Variants in MAGI1 observed in about 807,000 individuals in gnomAD.
MAGI1 encodes membrane-associated guanylate kinase, WW and PDZ domain-containing protein 1.
Under a neutral mutation model 139.9 loss-of-function variants are expected in MAGI1, and 58 were observed. The observed-to-expected ratio is 0.41, with a 90% CI of 0.34 to 0.52. MAGI1 has a LOEUF of 0.52. Among genes scored for constraint, MAGI1 ranks in the 20% least tolerant of loss-of-function variants. MAGI1 has a pLI of 0.12. For synonymous variants in MAGI1, 812 were observed against 737.9 expected, an observed-to-expected ratio of 1.10 and a Z score of -1.63; for missense variants, 1,874 against 1,901.6, an observed-to-expected ratio of 0.99 and a Z score of 0.27.
intron 5 of MAGI1, among the ~76,000 whole-genome samples, chr3:65,454,583 AAG>A (rs1252548217): frequency 2.7e-5 from 4 of 149,618 alleles, no homozygotes; most frequent in Non-Finnish European, 5.9e-5. Flanking sequence ...ACAAAAAAAA[AAG>A]AAGTTTTTTT....
At chr3:65,504,488 G>A (rs1485150686) in intron 2 of MAGI1, among the ~76,000 whole-genome samples, 1 of 152,108 alleles carries the variant, frequency 6.6e-6, no homozygotes, top group East Asian at 1.9e-4. Context: ...TAAGTGTCAG[G>A]ACCAGGACTT....
At chr3:65,834,968 T>C (rs536506786) in intron 1 of MAGI1, among the ~76,000 whole-genome samples, 7 of 152,354 alleles carry the variant, frequency 4.6e-5, no homozygotes, top group African/African-American at 7.2e-5. Flanking sequence ...AACCTGCCTA[T>C]ATTGTTTCAT....
chr3:65,968,660 T>C (rs1342980768), intron 1 of MAGI1, among the ~76,000 whole-genome samples: 2 of 151,878 alleles, frequency 1.3e-5, no homozygotes, highest in Non-Finnish European at 2.9e-5. Flanking sequence ...AGTATACTTG[T>C]ATACGTATAA....
chr3:65,972,324 G>T (rs2065051869), intron 1 of MAGI1, among the ~76,000 whole-genome samples: 1 of 152,236 alleles, frequency 6.6e-6, no homozygotes, highest in African/African-American at 2.4e-5. Context: ...TTTAGAAAAT[G>T]TCCAGCAGAA....
At chr3:65,531,139 A>G (rs775053792) in intron 2 of MAGI1, among the ~76,000 whole-genome samples, 71 of 152,056 alleles carry the variant, frequency 4.7e-4, no homozygotes, top group Non-Finnish European at 8.4e-4. Flanking sequence ...CTTTTTTTAC[A>G]TTAAATTCTC....
intron 1 of MAGI1, among the ~76,000 whole-genome samples, chr3:65,992,965 C>G (rs574019013): frequency 6.6e-6 from 1 of 152,098 alleles, no homozygotes; most frequent in Non-Finnish European, 1.5e-5. Flanking sequence ...GATGGGACTA[C>G]AGGCACACGC....
chr3:65,998,166 T>C (rs937108951), intron 1 of MAGI1, among the ~76,000 whole-genome samples: 1 of 151,754 alleles, frequency 6.6e-6, no homozygotes, highest in Non-Finnish European at 1.5e-5. Flanking sequence ...TTGGCAAATA[T>C]TCTCTCCCTC....
intron 1 of MAGI1, among the ~76,000 whole-genome samples, chr3:65,761,494 T>C (rs1409709212): frequency 6.6e-6 from 1 of 152,200 alleles, no homozygotes; most frequent in Non-Finnish European, 1.5e-5. Flanking sequence ...TTAAGCCATT[T>C]CCTACAGTAA....
chr3:65,484,891 A>G (rs552173423), intron 3 of MAGI1, among the ~76,000 whole-genome samples: 1 of 152,304 alleles, frequency 6.6e-6, no homozygotes, highest in African/African-American at 2.4e-5. Context: ...TATATAGCAG[A>G]CTGTTTAATT....
chr3:65,943,572 CAA>C (rs1287530432), intron 1 of MAGI1, among the ~76,000 whole-genome samples: 2 of 115,274 alleles, frequency 1.7e-5, no homozygotes, highest in Non-Finnish European at 1.8e-5. Flanking sequence ...GACTCCATCT[CAA>C]AAAAAAAAAA....
intron 12 of MAGI1, among the ~76,000 whole-genome samples, chr3:65,405,072 C>A (rs1945227167): frequency 1.3e-5 from 2 of 152,168 alleles, no homozygotes; most frequent in Admixed American, 1.3e-4. Context: ...ATGGCAGCAT[C>A]CGCTCTTAGG....
intron 12 of MAGI1, among the ~76,000 whole-genome samples, chr3:65,422,716 C>T (rs76553760): frequency 0.023 from 3,459 of 152,000 alleles, 125 homozygotes; most frequent in African/African-American, 0.079. Flanking sequence ...GTGGGAGATG[C>T]TGCTTGATTT....
chr3:65,685,772 C>T (rs2087975743), intron 1 of MAGI1, among the ~76,000 whole-genome samples: 1 of 152,174 alleles, frequency 6.6e-6, no homozygotes, highest in Non-Finnish European at 1.5e-5. Context: ...TAACTGCTCT[C>T]TTGCCTTTCC....
At chr3:65,876,986 G>C (rs866842445) in intron 1 of MAGI1, among the ~76,000 whole-genome samples, 301 of 152,070 alleles carry the variant, frequency 2.0e-3, no homozygotes, top group African/African-American at 7.0e-3. Context: ...CTCATGATCC[G>C]CCCGCCTCGG....
At chr3:65,379,143 G>C in intron 17 of MAGI1, 118 bp downstream of exon 17, 11 of 1,558,558 alleles carry the variant, frequency 7.1e-6, no homozygotes, top group Non-Finnish European at 9.5e-6. Flanking sequence ...TAATTACCCA[G>C]AGCAAGAAGC....
At chr3:65,925,044 A>T (rs952885054) in intron 1 of MAGI1, 7 of 152,088 alleles carry the variant, frequency 4.6e-5, no homozygotes, top group Admixed American at 3.9e-4. Context: ...ATTTTCTATC[A>T]CTGGGGGAGC....
chr3:65,629,935 TTA>T (rs575620683), intron 1 of MAGI1, among the ~76,000 whole-genome samples: 33 of 152,282 alleles, frequency 2.2e-4, no homozygotes, highest in African/African-American at 7.9e-4. Context: ...ATGGTCAACT[TTA>T]TGTTATATAT....
intron 13 of MAGI1, among the ~76,000 whole-genome samples, chr3:65,398,709 G>A (rs1310512178): frequency 6.6e-6 from 1 of 152,148 alleles, no homozygotes. Context: ...CAGTTTCCCA[G>A]AGAGGTCTAA....
intron 1 of MAGI1, among the ~76,000 whole-genome samples, chr3:65,667,634 C>T (rs1486758241): frequency 6.6e-6 from 1 of 152,186 alleles, no homozygotes; most frequent in African/African-American, 2.4e-5. Flanking sequence ...CACAGTGGTG[C>T]AATCATGGCT....
Sources: gnomAD v4.1 joint callset for allele counts (sites outside exome capture counted in the v4.1 genomes callset) on GRCh38, gnomAD v4.1.1 for gene constraint, MANE v1.5 for transcripts, NCBI Gene and HGNC (gene_info 2026-07-23, HGNC 2026-07-21) for gene names.